DDB2: variants seen among roughly 807,000 people sequenced by gnomAD.
The protein encoded by DDB2 is DNA damage-binding protein 2.
In DDB2, 27 loss-of-function variants were observed where a neutral mutation model predicts 50.5. That is an observed-to-expected ratio of 0.53 (90% CI 0.39 to 0.74). DDB2 has a LOEUF of 0.74. Among genes scored for constraint, DDB2 ranks in the 30% least tolerant of loss-of-function variants. The probability of loss-of-function intolerance (pLI) is 0.00; values close to 1 mark genes in which losing one functional copy is unlikely to be tolerated. For missense variants in DDB2, 424 were observed against 545.6 expected (o/e 0.78, Z 2.22); for synonymous variants, 176 against 205.5 (o/e 0.86, Z 1.23).
intron 3 of DDB2, chr11:47,229,730 G>A: frequency 2.6e-6 from 1 of 389,928 alleles, no homozygotes; most frequent in Non-Finnish European, 4.9e-6. Context: ...AGACAGTTGT[G>A]AAGCAATCTG....
At chr11:47,227,099 C>CTTTTTTTTTTT (rs34243882) in intron 3 of DDB2, among the ~76,000 whole-genome samples, 5 of 32,142 alleles carry the variant, frequency 1.6e-4, no homozygotes, top group Non-Finnish European at 2.0e-4. Context: ...GGATATTAAC[C>CTTTTTTTTTTT]TTTTTTTTTT....
chr11:47,237,335 A>G (rs575329462), intron 7 of DDB2, among the ~76,000 whole-genome samples: 1 of 152,340 alleles, frequency 6.6e-6, no homozygotes, highest in South Asian at 2.1e-4. Flanking sequence ...GGGATTAAAA[A>G]TGTGCAATGG....
rs753467757 is a variant in DDB2, at chr11:47,216,400, A to G, written c.192A>G (p.Pro64=). 6.2e-7 allele frequency: 1 copy of G among 1,614,150 alleles called. No homozygotes were observed. The highest frequency in any genetic ancestry group is 1.1e-5 in the South Asian group (1 of 91,074). ...WVGLAGPQIL[P]PCRSIVRTLH... is the part of the protein sequence containing the mutation. ...GGCTGGCTGGCCCACAGATCCTGCC[A>G]CCATGCCGCAGCATCGTCAGGACCC... The change falls in exon 2 of 10, where the codon CCA becomes CCG. Residue 64 remains proline (P), a synonymous_variant. Transcript: ENST00000256996.
chr11:47,234,454 C>A, intron 4 of DDB2, 119 bp from the exon 5 acceptor site: 1 of 821,168 alleles, frequency 1.2e-6, no homozygotes. Flanking sequence ...GACAGTTATT[C>A]ATTCATTCAA....
chr11:47,216,707 A>G, intron 2 of DDB2, 151 bp from the exon 3 acceptor site: 1 of 968,160 alleles, frequency 1.0e-6, no homozygotes. Context: ...GTTCGTGTAC[A>G]TTGCAAATAT....
chr11:47,233,776 C>T (rs1382926820), intron 4 of DDB2, among the ~76,000 whole-genome samples: 1 of 151,702 alleles, frequency 6.6e-6, no homozygotes, highest in Admixed American at 6.6e-5. Flanking sequence ...GTGACTCTGA[C>T]TGCTCCCTGA....
At chr11:47,216,231 A>C in intron 1 of DDB2, 105 bp from the exon 2 acceptor site, 1 of 1,550,394 alleles carries the variant, frequency 6.4e-7, no homozygotes, top group Non-Finnish European at 8.9e-7. Flanking sequence ...AGGTGATGAG[A>C]CAGAGATTAA....
intron 3 of DDB2, chr11:47,229,669 CTT>C: frequency 3.4e-6 from 1 of 290,110 alleles, no homozygotes; most frequent in Admixed American, 4.8e-5. Context: ...GTGGTGTTGA[CTT>C]TGAATTGAAG....
rs1275847261 is a variant in DDB2, at chr11:47,216,404, T to G, written c.196T>G (p.Cys66Gly). 4 of 1,614,154 alleles carry G rather than the reference T, an allele frequency of 2.5e-6. No individual in the cohort carries two copies. The African/African-American group carries it at 5.3e-5, about 22-fold the overall frequency. The change falls in exon 2 of 10, where the codon TGC (cysteine) becomes GGC (glycine). Residue 66 changes from cysteine to glycine, a missense_variant. Transcript: ENST00000256996. ...GLAGPQILPP[C>G]RSIVRTLHQH... ...GGCTGGCCCACAGATCCTGCCACCA[T>G]GCCGCAGCATCGTCAGGACCCTCCA... is the stretch of plus-strand genomic sequence containing the variant.
intron 1 of DDB2, 154 bp downstream of exon 1, chr11:47,215,417 G>A (rs898170974): frequency 1.8e-6 from 2 of 1,084,862 alleles, no homozygotes; most frequent in Admixed American, 1.8e-5. Context: ...TTTGACACCA[G>A]AGTGTTTAGG....
At chr11:47,216,301 A>C (rs1330393157) in intron 1 of DDB2, 35 bp from the exon 2 acceptor site, 1 of 1,614,098 alleles carries the variant, frequency 6.2e-7, no homozygotes, top group African/African-American at 1.3e-5. Context: ...CTTTCGTGAG[A>C]TTGGAGAGGA....
Position 47,232,835 on chromosome 11 carries a change from A to G in DDB2, c.478A>G (p.Thr160Ala), listed in dbSNP as rs1565155758. ...IKGIGAGGSI[T>A]GLKFNPLNTN... ...TTAGATTGGAGCTGGAGGGAGCATC[A>G]CTGGGCTGAAGTTTAACCCTCTCAA... is the stretch of plus-strand genomic sequence containing the variant. The change falls in exon 4 of 10, where the codon ACT (threonine) becomes GCT (alanine). Residue 160 changes from threonine (T) to alanine (A), a missense_variant. Coordinates refer to ENST00000256996, the MANE Select transcript of DDB2 (RefSeq NM_000107.3). The G allele has an allele frequency of 1.2e-6, 2 of 1,613,874 alleles. No homozygotes were observed. Among genetic ancestry groups the G allele is most frequent in the East Asian group, 2.2e-5 (1 of 44,874 alleles).
intron 3 of DDB2, among the ~76,000 whole-genome samples, chr11:47,221,014 T>C (rs1011741966): frequency 6.6e-6 from 1 of 151,710 alleles, no homozygotes; most frequent in Non-Finnish European, 1.5e-5. Flanking sequence ...AATACAAAAA[T>C]TAGCCGGGAG....
chr11:47,232,205 G>A (rs918432109), intron 3 of DDB2, among the ~76,000 whole-genome samples: 5 of 152,110 alleles, frequency 3.3e-5, no homozygotes, highest in African/African-American at 1.2e-4. Flanking sequence ...TTAGCCATGC[G>A]TGGTGGTGGG....
chr11:47,221,141 C>T (rs898980799), intron 3 of DDB2, among the ~76,000 whole-genome samples: 5 of 151,666 alleles, frequency 3.3e-5, no homozygotes, highest in African/African-American at 4.8e-5. Flanking sequence ...CCAGCCTGGG[C>T]GACACAGTGA....
rs568791616 is a variant in DDB2, at chr11:47,238,893, A to C, written c.*44A>C. 2 of 1,602,356 alleles carry C rather than the reference A, an allele frequency of 1.2e-6. No homozygotes were observed. Among genetic ancestry groups the C allele is most frequent in the South Asian group, 2.2e-5 (2 of 90,762 alleles). ...TGGGCCAGACAAGGCCTTGGAGCCC[A>C]CACATGGGATCAAGTCCTGCAAGCA... On this transcript the variant is annotated 3_prime_UTR_variant, in exon 10 of 10. Transcript: ENST00000256996.
chr11:47,236,741 A>G (rs1043364048), intron 7 of DDB2, among the ~76,000 whole-genome samples: 18 of 152,220 alleles, frequency 1.2e-4, no homozygotes, highest in African/African-American at 4.1e-4. Context: ...ACGTACCTCA[A>G]TCACATCCAA....
At chr11:47,227,194 C>T (rs1405584721) in intron 3 of DDB2, among the ~76,000 whole-genome samples, 1 of 145,482 alleles carries the variant, frequency 6.9e-6, no homozygotes, top group Non-Finnish European at 1.5e-5. Flanking sequence ...GCAGTCTCCA[C>T]CTCCCGGGTT....
At chr11:47,230,989 G>A (rs946098619) in intron 3 of DDB2, among the ~76,000 whole-genome samples, 1 of 151,724 alleles carries the variant, frequency 6.6e-6, no homozygotes, top group South Asian at 2.1e-4. Flanking sequence ...GTGTGATGGT[G>A]TGGGCATGTA....
Sources: gnomAD v4.1 joint callset for allele counts (sites outside exome capture counted in the v4.1 genomes callset) on GRCh38, gnomAD v4.1.1 for gene constraint, MANE v1.5 for transcripts, NCBI Gene and HGNC (gene_info 2026-07-23, HGNC 2026-07-21) for gene names.